The following CACNA1C variants were observed in gnomAD, a reference collection of about 807,000 sequenced individuals.
The protein encoded by CACNA1C is calcium voltage-gated channel subunit alpha1 C, also known as voltage-dependent L-type calcium channel subunit alpha-1C.
Under a neutral mutation model 229.0 loss-of-function variants are expected in CACNA1C, and 30 were observed. That is an observed-to-expected ratio of 0.13 (90% confidence interval 0.10 to 0.18). CACNA1C has a LOEUF of 0.18. CACNA1C is among the 10% of genes least tolerant of loss of function. CACNA1C has a pLI of 1.00. For missense variants in CACNA1C, 1,658 were observed against 2,845.0 expected (o/e 0.58, Z 9.49); for synonymous variants, 1,114 against 1,132.5 (o/e 0.98, Z 0.33).
chr12:2,234,831 G>A lies in CACNA1C; in HGVS notation c.477+114401G>A, dbSNP rs1007745153. Among the ~76,000 whole-genome samples, 5 of 152,134 alleles carry A rather than the reference G, an allele frequency of 3.3e-5. No individual in the cohort carries two copies. The South Asian group carries it at 8.3e-4, about 25-fold the overall frequency. On this transcript the variant is annotated intron_variant, in intron 3 of 46. Coordinates refer to ENST00000399655, the MANE Select transcript of CACNA1C (RefSeq NM_000719.7). ...GCAGTATAGATTGGCAAGAGGTGGA[G>A]GAGAGGGAGGGGAAGATCCCTCCCA...
intron 3 of CACNA1C, among the ~76,000 whole-genome samples, chr12:2,142,988 T>C (rs1425523266): frequency 1.3e-5 from 2 of 150,844 alleles, no homozygotes; most frequent in East Asian, 3.9e-4. Flanking sequence ...TTTTTTTTTG[T>C]TTTTTGAGAC....
chr12:2,295,522 T>A (rs1042041427), intron 3 of CACNA1C, among the ~76,000 whole-genome samples: 2 of 152,196 alleles, frequency 1.3e-5, no homozygotes, highest in Non-Finnish European at 2.9e-5. Flanking sequence ...TCCCAGTACC[T>A]AGCAGAATTC....
intron 3 of CACNA1C, among the ~76,000 whole-genome samples, chr12:2,213,353 G>A (rs952544542): frequency 7.9e-5 from 12 of 151,932 alleles, no homozygotes; most frequent in African/African-American, 1.7e-4. Flanking sequence ...CACTATCTTC[G>A]GGTACTATTT....
At position 2,597,135 on chromosome 12, in the gene CACNA1C, G is replaced by A. The variant is rs1008096704; in HGVS notation, c.2794-95G>A. 1.4e-5 allele frequency: 11 copies of A among 779,336 alleles called. No homozygotes were observed. Among genetic ancestry groups the A allele is most frequent in the Non-Finnish European group, 2.5e-5 (11 of 446,932 alleles). The allele number at this position is 779,336 out of a possible 1,614,324, so 48.3% of individuals were successfully genotyped here. ...GCCAGGCATCTCATTTTGAAGTGTG[G>A]CCCCTTTTCTGGTGAACATCCACTG... On this transcript the variant is annotated intron_variant, in intron 20 of 46. Coordinates refer to ENST00000399655, the MANE Select transcript of CACNA1C (RefSeq NM_000719.7). The surrounding 1 kb of genome is among the most constrained non-coding windows in gnomAD (Gnocchi z 4.3).
chr12:2,308,961 A>G (rs1425351642), intron 3 of CACNA1C, among the ~76,000 whole-genome samples: 3 of 152,180 alleles, frequency 2.0e-5, no homozygotes, highest in African/African-American at 7.2e-5. Context: ...AAATAGAACT[A>G]ACCATAGGAT....
chr12:2,604,831 G>A (rs1006892978), intron 22 of CACNA1C, among the ~76,000 whole-genome samples: 1 of 152,146 alleles, frequency 6.6e-6, no homozygotes, highest in Non-Finnish European at 1.5e-5. Flanking sequence ...CTAATGACCT[G>A]CCATGAGCCA....
At chr12:2,613,626 C>G (rs1352405222) in intron 29 of CACNA1C, 1 of 152,228 alleles carries the variant, frequency 6.6e-6, no homozygotes, top group Non-Finnish European at 1.5e-5. Flanking sequence ...AGCAAGTACA[C>G]TCTTTTTCAC....
chr12:1,974,392 G>A (rs2033614681), intron 1 of CACNA1C, among the ~76,000 whole-genome samples: 1 of 152,142 alleles, frequency 6.6e-6, no homozygotes. Context: ...TGCTTAAGTA[G>A]TGTTGATGGG....
intron 1 of CACNA1C, among the ~76,000 whole-genome samples, chr12:2,093,027 A>C (rs1283519225): frequency 6.6e-6 from 1 of 152,200 alleles, no homozygotes; most frequent in African/African-American, 2.4e-5. Flanking sequence ...GACGGCTGCA[A>C]ACCCCGCACT....
At chr12:2,505,073 G>A in intron 8 of CACNA1C, 128 bp downstream of exon 8, 1 of 632,720 alleles carries the variant, frequency 1.6e-6, no homozygotes. Flanking sequence ...CAGGAGCCTT[G>A]AAGTGGATGT....
At chr12:2,248,709 G>A (rs1047119149) in intron 3 of CACNA1C, among the ~76,000 whole-genome samples, 1 of 152,266 alleles carries the variant, frequency 6.6e-6, no homozygotes, top group Admixed American at 6.5e-5. Context: ...CTGGAAAGAA[G>A]TAACCGAAAG....
chr12:1,974,628 AAT>A (rs1292738564), intron 1 of CACNA1C, among the ~76,000 whole-genome samples: 1 of 152,140 alleles, frequency 6.6e-6, no homozygotes, highest in Non-Finnish European at 1.5e-5. Flanking sequence ...ACAAAGGACA[AAT>A]AATAACTAAT....
At chr12:2,340,092 T>TA (rs1181094902) in intron 3 of CACNA1C, among the ~76,000 whole-genome samples, 1 of 152,240 alleles carries the variant, frequency 6.6e-6, no homozygotes, top group East Asian at 1.9e-4. Flanking sequence ...CTGGTGTTCA[T>TA]AATTCATCTG....
At chr12:2,032,967 T>A (rs1241118301) in intron 1 of CACNA1C, among the ~76,000 whole-genome samples, 2 of 152,196 alleles carry the variant, frequency 1.3e-5, no homozygotes, top group African/African-American at 2.4e-5. Flanking sequence ...CGAGGGGACT[T>A]CTTTGTGAAA....
chr12:2,607,029 C>T lies in CACNA1C; in HGVS notation c.3255C>T (p.Ile1085=). The T allele has an allele frequency of 6.2e-7, 1 of 1,614,026 alleles. No homozygotes were observed. Among genetic ancestry groups the T allele is most frequent in the Non-Finnish European group, 8.5e-7 (1 of 1,179,878 alleles). ...TYKDGEVDHP[I]IQPRSWENSK... is the part of the protein sequence containing the mutation. ...AAGACGGGGAGGTTGACCACCCCAT[C>T]ATCCAACCCCGCAGCTGGGAGAACA... The change falls in exon 26 of 47, where the codon ATC becomes ATT. Residue 1085 remains isoleucine (I), a synonymous_variant. Coordinates refer to ENST00000399655, the MANE Select transcript of CACNA1C (RefSeq NM_000719.7).
chr12:2,297,281 C>T (rs1351694875), intron 3 of CACNA1C, among the ~76,000 whole-genome samples: 2 of 152,194 alleles, frequency 1.3e-5, no homozygotes, highest in Non-Finnish European at 2.9e-5. Context: ...TCACCAGAGG[C>T]ATTTAAAGGC....
At chr12:2,519,873 G>A (rs1778363679) in intron 9 of CACNA1C, among the ~76,000 whole-genome samples, 1 of 152,252 alleles carries the variant, frequency 6.6e-6, no homozygotes, top group Non-Finnish European at 1.5e-5. Context: ...TTGGAGCACA[G>A]CCTGGCTGCT....
At chr12:2,427,860 T>TCTGC (rs2099047798) in intron 3 of CACNA1C, among the ~76,000 whole-genome samples, 3 of 152,304 alleles carry the variant, frequency 2.0e-5, no homozygotes, top group Middle Eastern at 3.4e-3. Flanking sequence ...CCTCAAGTGA[T>TCTGC]CTGCCCATCT....
intron 2 of CACNA1C, among the ~76,000 whole-genome samples, chr12:2,118,708 A>G (rs2085131900): frequency 6.6e-6 from 1 of 152,202 alleles, no homozygotes; most frequent in South Asian, 2.1e-4. Context: ...CACCAGCATC[A>G]GCGTCTGTCT....
Sources: allele counts gnomAD v4.1 joint callset (sites outside exome capture counted in the v4.1 genomes callset), GRCh38; gene constraint gnomAD v4.1.1; non-coding constraint Gnocchi (gnomAD v3.1); transcripts MANE v1.5; gene names NCBI Gene and HGNC (gene_info 2026-07-23, HGNC 2026-07-21).